The following ATXN7 variants were observed in gnomAD, a reference collection of about 807,000 sequenced individuals.
ATXN7 encodes ataxin 7.
Under a neutral mutation model 70.5 loss-of-function variants are expected in ATXN7, and 12 were observed. That is an observed-to-expected ratio of 0.17 (90% CI 0.11 to 0.28). The LOEUF (loss-of-function observed/expected upper bound fraction) is 0.28, where lower values mean the gene tolerates loss of function less well. Ranked by LOEUF, ATXN7 falls within the 10% of genes least tolerant of loss-of-function variation. The probability of loss-of-function intolerance (pLI) is 1.00; values close to 1 mark genes in which losing one functional copy is unlikely to be tolerated. For missense variants in ATXN7, 1,256 were observed against 1,131.7 expected (o/e 1.11, Z -1.58); for synonymous variants, 498 against 448.7 (o/e 1.11, Z -1.39).
intron 1 of ATXN7, among the ~76,000 whole-genome samples, chr3:63,894,924 A>G (rs975828925): frequency 9.9e-5 from 15 of 151,978 alleles, no homozygotes; most frequent in Non-Finnish European, 2.9e-5. Flanking sequence ...TCAGCCTTCA[A>G]GGTTTCAGGT....
intron 4 of ATXN7, among the ~76,000 whole-genome samples, chr3:63,918,082 C>T (rs865919327): frequency 1.7e-4 from 26 of 152,242 alleles, no homozygotes; most frequent in African/African-American, 6.3e-4. Context: ...CACTTGATGA[C>T]AGGTTATTTC....
At chr3:63,969,717 T>A (rs1267771626) in intron 5 of ATXN7, among the ~76,000 whole-genome samples, 2 of 152,206 alleles carry the variant, frequency 1.3e-5, no homozygotes, top group Non-Finnish European at 2.9e-5. Flanking sequence ...GTGTAAAGAC[T>A]GAGTATGTTT....
chr3:63,879,838 C>CT lies in ATXN7; in HGVS notation c.-111+15683dup, dbSNP rs1702854912. Among the ~76,000 whole-genome samples the CT allele has an allele frequency of 2.0e-5, 3 of 152,152 alleles. No individual in the cohort carries two copies. In the South Asian group the frequency reaches 6.2e-4, roughly 32 times the overall value. On this transcript the variant is annotated intron_variant, in intron 1 of 12. Transcript: ENST00000674280. ...GTGGCTCATGTCTGTAATCCTAGCA[C>CT]TTTGGGAGGCCGAGGCAGGTGGATC... is the stretch of plus-strand genomic sequence containing the variant.
In ATXN7 at chr3:63,980,087, A is replaced by C; in HGVS notation, c.672A>C (p.Ser224=). The C allele has an allele frequency of 6.2e-7, 1 of 1,614,136 alleles. No homozygotes were observed. The highest frequency in any genetic ancestry group is 1.1e-5 in the South Asian group (1 of 91,082). Residue 224 remains serine (S), a synonymous_variant, in exon 6 of 13, where the codon TCA becomes TCC. Transcript: ENST00000674280. ...CATCAAGTTCCAAGTTGTTGAAATC[A>C]CCCAAAGAGAAACTGCAGCTCAGGG... ...ASSSSSKLLK[S]PKEKLQLRGN...
chr3:63,875,740 A>G (rs1702731172), intron 1 of ATXN7, among the ~76,000 whole-genome samples: 1 of 152,258 alleles, frequency 6.6e-6, no homozygotes, highest in South Asian at 2.1e-4. Flanking sequence ...CAGGTCTATC[A>G]CTACAAGAGG....
Position 63,996,290 on chromosome 3 carries a change from C to T in ATXN7, c.2468C>T (p.Ser823Phe). 1 of 1,614,156 alleles carries T rather than the reference C, an allele frequency of 6.2e-7. No homozygotes were observed. Among genetic ancestry groups the T allele is most frequent in the Non-Finnish European group, 8.5e-7 (1 of 1,180,034 alleles). Residue 823 changes from serine (S) to phenylalanine (F), a missense_variant, in exon 12 of 13, where the codon TCC becomes TTC. Physicochemically the swap from Ser to Phe is radical, Grantham distance 155. Transcript: ENST00000674280. The stretch of plus-strand genomic sequence containing the variant: ...CCTGTCAACTCCCACGGCAGTTTTT[C>T]CCACTCACACACTCCTCTAGACAAA... ...ELPVNSHGSF[S>F]HSHTPLDKLI... is the part of the protein sequence containing the mutation.
intron 4 of ATXN7, among the ~76,000 whole-genome samples, chr3:63,926,472 G>C (rs776684451): frequency 6.6e-6 from 1 of 152,196 alleles, no homozygotes; most frequent in Non-Finnish European, 1.5e-5. Flanking sequence ...GGTTGGAGAA[G>C]ACCTGGTGTT....
intron 1 of ATXN7, among the ~76,000 whole-genome samples, chr3:63,867,630 CG>C (rs1379735667): frequency 1.3e-5 from 2 of 149,954 alleles, no homozygotes; most frequent in Admixed American, 1.3e-4. Flanking sequence ...GAGGCCAAGG[CG>C]GGTGGATCAT....
At chr3:63,916,859 G>A (rs1033047086) in intron 4 of ATXN7, among the ~76,000 whole-genome samples, 3 of 152,072 alleles carry the variant, frequency 2.0e-5, no homozygotes, top group Non-Finnish European at 2.9e-5. Context: ...TTAGTTGTTA[G>A]CATGATTAAT....
At chr3:63,939,912 G>A (rs2074726436) in intron 4 of ATXN7, among the ~76,000 whole-genome samples, 1 of 151,976 alleles carries the variant, frequency 6.6e-6, no homozygotes, top group African/African-American at 2.4e-5. Context: ...CTCAGGACTT[G>A]TCTTTATTTG....
intron 9 of ATXN7, chr3:63,988,553 T>C (rs761152591): frequency 4.7e-5 from 27 of 569,828 alleles, no homozygotes; most frequent in Non-Finnish European, 6.6e-5. Context: ...GCTAGAGTTA[T>C]CTGCTCTATA....
chr3:63,984,815 C>T (rs1231887017), intron 8 of ATXN7, among the ~76,000 whole-genome samples: 1 of 152,116 alleles, frequency 6.6e-6, no homozygotes, highest in Non-Finnish European at 1.5e-5. Flanking sequence ...CTGGCAGCCA[C>T]CACTCTAGTT....
At chr3:63,954,311 G>C (rs2075003124) in intron 5 of ATXN7, among the ~76,000 whole-genome samples, 1 of 152,194 alleles carries the variant, frequency 6.6e-6, no homozygotes, top group African/African-American at 2.4e-5. Flanking sequence ...TGGTGGCCCC[G>C]GATTGGCAAC....
intron 1 of ATXN7, among the ~76,000 whole-genome samples, chr3:63,883,101 A>C (rs704367): frequency 0.6 from 90,583 of 152,096 alleles, 28,552 homozygotes; most frequent in Non-Finnish European, 0.7. Flanking sequence ...CCTTCCATCA[A>C]CCTCAGCAGT....
At chr3:63,967,645 C>T (rs890750167) in intron 5 of ATXN7, 3 of 563,520 alleles carry the variant, frequency 5.3e-6, no homozygotes, top group Non-Finnish European at 7.9e-6. Context: ...ATTCCATCTT[C>T]CCCAGTTTTG....
chr3:63,926,313 G>A (rs777571766), intron 4 of ATXN7, among the ~76,000 whole-genome samples: 31 of 152,164 alleles, frequency 2.0e-4, no homozygotes, highest in Non-Finnish European at 3.7e-4. Flanking sequence ...GGTAAGGGGT[G>A]TTTTGGAAAA....
At chr3:63,881,436 G>T (rs1157434684) in intron 1 of ATXN7, among the ~76,000 whole-genome samples, 1 of 151,352 alleles carries the variant, frequency 6.6e-6, no homozygotes, top group Non-Finnish European at 1.5e-5. Context: ...TACTCTAAGA[G>T]AACTTTTCAG....
chr3:63,908,591 T>C (rs533565412), intron 2 of ATXN7, among the ~76,000 whole-genome samples: 1 of 152,230 alleles, frequency 6.6e-6, no homozygotes, highest in Non-Finnish European at 1.5e-5. Flanking sequence ...GCTTTTCAAG[T>C]TTATTAAAAT....
At chr3:63,976,522 C>CT (rs565902266) in intron 5 of ATXN7, among the ~76,000 whole-genome samples, 2 of 152,106 alleles carry the variant, frequency 1.3e-5, no homozygotes, top group African/African-American at 4.8e-5. Context: ...AGAAAATAGA[C>CT]TTTTTTGGGA....
Sources: gnomAD v4.1 joint callset for allele counts (sites outside exome capture counted in the v4.1 genomes callset) on GRCh38, gnomAD v4.1.1 for gene constraint, MANE v1.5 for transcripts, NCBI Gene and HGNC (gene_info 2026-07-23, HGNC 2026-07-21) for gene names.